FAM110B: variants seen among roughly 807,000 people sequenced by gnomAD.
FAM110B encodes protein FAM110B.
Under a neutral mutation model 20.4 loss-of-function variants are expected in FAM110B, and 6 were observed. The ratio of observed to expected loss-of-function variants is 0.29; its 90% CI spans 0.16 to 0.58. The LOEUF (loss-of-function observed/expected upper bound fraction) is 0.58. Among genes scored for constraint, FAM110B ranks in the 20% least tolerant of loss-of-function variants. The probability of loss-of-function intolerance (pLI) is 0.90; values close to 1 mark genes in which losing one functional copy is unlikely to be tolerated. For missense variants in FAM110B, 434 were observed against 498.2 expected, an observed-to-expected ratio of 0.87 and a Z score of 1.23; for synonymous variants, 226 against 214.1, an observed-to-expected ratio of 1.06 and a Z score of -0.49.
chr8:58,016,338 AG>A (rs2150567755), intron 1 of FAM110B, among the ~76,000 whole-genome samples: 1 of 152,236 alleles, frequency 6.6e-6, no homozygotes, highest in Admixed American at 6.5e-5. Flanking sequence ...GGGGATTCGG[AG>A]TTTCTTAGCA....
chr8:58,071,159 G>C (rs1805888177), intron 2 of FAM110B, among the ~76,000 whole-genome samples: 1 of 151,214 alleles, frequency 6.6e-6, no homozygotes. Flanking sequence ...AAATAATCTG[G>C]GATTAAAAAA....
chr8:58,100,342 G>A (rs985456806), intron 3 of FAM110B, among the ~76,000 whole-genome samples: 10 of 152,046 alleles, frequency 6.6e-5, no homozygotes, highest in Non-Finnish European at 1.5e-4. Context: ...CCTTCAAAGA[G>A]AGCAAGGGTG....
At chr8:58,064,230 G>T (rs1805716010) in intron 2 of FAM110B, among the ~76,000 whole-genome samples, 1 of 152,102 alleles carries the variant, frequency 6.6e-6, no homozygotes, top group Admixed American at 6.5e-5. Flanking sequence ...TGAGATTTTG[G>T]TGGAGACACA....
chr8:58,085,415 A>T (rs1806306913), intron 3 of FAM110B, among the ~76,000 whole-genome samples: 1 of 152,220 alleles, frequency 6.6e-6, no homozygotes, highest in South Asian at 2.1e-4. Flanking sequence ...CGGGAGGCTG[A>T]GGCAGGAGAA....
intron 1 of FAM110B, among the ~76,000 whole-genome samples, chr8:57,995,357 T>C (rs1163745502): frequency 6.6e-6 from 1 of 152,184 alleles, no homozygotes; most frequent in Non-Finnish European, 1.5e-5. Context: ...GAAATGTAGA[T>C]TCTGAGGTTC....
intron 2 of FAM110B, among the ~76,000 whole-genome samples, chr8:58,075,296 T>TGTG (rs1286749297): frequency 6.6e-6 from 1 of 150,454 alleles, no homozygotes; most frequent in African/African-American, 2.5e-5. Context: ...TGTGTGTGTG[T>TGTG]TTTGTAGATA....
At chr8:57,997,386 G>A (rs1433274758) in intron 1 of FAM110B, among the ~76,000 whole-genome samples, 1 of 152,168 alleles carries the variant, frequency 6.6e-6, no homozygotes, top group African/African-American at 2.4e-5. Context: ...CGCATTTTAG[G>A]TGCTAGACAA....
At chr8:58,143,344 A>T (rs1432472055) in intron 3 of FAM110B, among the ~76,000 whole-genome samples, 1 of 152,184 alleles carries the variant, frequency 6.6e-6, no homozygotes, top group African/African-American at 2.4e-5. Flanking sequence ...TCACATCAAA[A>T]CTATAAACTC....
At chr8:58,061,643 C>T (rs1805660263) in intron 2 of FAM110B, among the ~76,000 whole-genome samples, 1 of 152,204 alleles carries the variant, frequency 6.6e-6, no homozygotes, top group Admixed American at 6.5e-5. Context: ...AAGAAAGTTT[C>T]CTGAAGGTGA....
chr8:58,073,024 A>G (rs1805944003), intron 2 of FAM110B, among the ~76,000 whole-genome samples: 1 of 152,208 alleles, frequency 6.6e-6, no homozygotes, highest in Non-Finnish European at 1.5e-5. Context: ...GTCATTAGCA[A>G]TTGATAAATA....
intron 3 of FAM110B, among the ~76,000 whole-genome samples, chr8:58,090,604 G>C (rs1806451421): frequency 6.6e-6 from 1 of 152,196 alleles, no homozygotes; most frequent in Non-Finnish European, 1.5e-5. Flanking sequence ...TTTTAGGGCA[G>C]TCAAAAGTTC....
chr8:58,051,492 G>A (rs1018799008), intron 2 of FAM110B, among the ~76,000 whole-genome samples: 1 of 152,104 alleles, frequency 6.6e-6, no homozygotes, highest in African/African-American at 2.4e-5. Context: ...AAAAAGACTG[G>A]GGAAGTCTAA....
intron 3 of FAM110B, among the ~76,000 whole-genome samples, chr8:58,089,010 C>T (rs374937662): frequency 3.5e-4 from 54 of 152,258 alleles, no homozygotes; most frequent in Middle Eastern, 3.4e-3. Context: ...AAAGCTTTGA[C>T]GTTTTAAGAT....
intron 3 of FAM110B, among the ~76,000 whole-genome samples, chr8:58,097,613 G>A (rs1585883819): frequency 6.6e-6 from 1 of 152,276 alleles, no homozygotes; most frequent in South Asian, 2.1e-4. Context: ...ATCCTTTGGA[G>A]GAGAAGAGGC....
intron 3 of FAM110B, among the ~76,000 whole-genome samples, chr8:58,129,727 G>A (rs1803403470): frequency 6.6e-6 from 1 of 152,202 alleles, no homozygotes; most frequent in African/African-American, 2.4e-5. Flanking sequence ...GCTTACCAAG[G>A]CAGAGCCACA....
At chr8:58,128,813 G>C (rs1277524229) in intron 3 of FAM110B, among the ~76,000 whole-genome samples, 1 of 152,196 alleles carries the variant, frequency 6.6e-6, no homozygotes, top group Non-Finnish European at 1.5e-5. Flanking sequence ...CCAAAGACTA[G>C]AAATATTTTC....
At chr8:58,069,890 C>T (rs555766356) in intron 2 of FAM110B, among the ~76,000 whole-genome samples, 29 of 152,116 alleles carry the variant, frequency 1.9e-4, no homozygotes, top group Non-Finnish European at 2.9e-4. Flanking sequence ...CTTTGTTTCT[C>T]TAGATTTGAG....
chr8:58,059,729 GCAGA>G (rs1483685077), intron 2 of FAM110B, among the ~76,000 whole-genome samples: 1 of 151,552 alleles, frequency 6.6e-6, no homozygotes, highest in African/African-American at 2.4e-5. Flanking sequence ...TATTTGATGA[GCAGA>G]CATTTTAATT....
At chr8:58,050,607 A>T (rs1805419519) in intron 2 of FAM110B, among the ~76,000 whole-genome samples, 2 of 152,220 alleles carry the variant, frequency 1.3e-5, no homozygotes, top group Admixed American at 1.3e-4. Context: ...GGGCCTTCTC[A>T]GGAACATTGC....
Sources: allele counts gnomAD v4.1 joint callset (sites outside exome capture counted in the v4.1 genomes callset), GRCh38; gene constraint gnomAD v4.1.1; transcripts MANE v1.5; gene names NCBI Gene and HGNC (gene_info 2026-07-23, HGNC 2026-07-21).